The following TRIO variants were observed in gnomAD, a reference collection of about 807,000 sequenced individuals.
The protein encoded by TRIO is triple functional domain protein.
In TRIO, 58 loss-of-function variants were observed where a neutral mutation model predicts 351.9. That is an observed-to-expected ratio of 0.16 (90% CI 0.13 to 0.21). The LOEUF is 0.21. Among genes scored for constraint, TRIO ranks in the 10% least tolerant of loss-of-function variants. TRIO has a pLI of 1.00. For missense variants in TRIO, 3,201 were observed against 4,027.8 expected (o/e 0.79, Z 5.56); for synonymous variants, 1,758 against 1,595.7 (o/e 1.10, Z -2.42).
At position 14,492,690 on chromosome 5, in the gene TRIO, C is replaced by T. The variant is rs1418946312; in HGVS notation, c.7756C>T (p.Gln2586Ter). The T allele has an allele frequency of 6.2e-7, 1 of 1,614,174 alleles. No homozygotes were observed. Among genetic ancestry groups the T allele is most frequent in the Non-Finnish European group, 8.5e-7 (1 of 1,180,012 alleles). Residue 2586 changes from glutamine (Q) to a stop codon, truncating the protein, a stop_gained, in exon 49 of 57, where the codon CAG becomes TAG. Transcript: ENST00000344204. LOFTEE classifies it high-confidence loss of function. Reference protein sequence around the residue: ...EVVQILASNQQNMFLVFRAAT... With the variant: ...EVVQILASNQ ...CGTTCAAATTCTGGCCAGCAACCAG[C>T]AGAACATGTTTCTGGTGTTCCGAGC...
intron 7 of TRIO, among the ~76,000 whole-genome samples, chr5:14,301,986 C>G (rs1294157077): frequency 6.6e-6 from 1 of 152,168 alleles, no homozygotes; most frequent in South Asian, 2.1e-4. Flanking sequence ...AGGGCAGAAT[C>G]CTTTGTCCAC....
intron 42 of TRIO, among the ~76,000 whole-genome samples, 192 bp downstream of exon 42, chr5:14,479,542 C>A (rs1755359350): frequency 6.6e-6 from 1 of 151,866 alleles, no homozygotes; most frequent in Non-Finnish European, 1.5e-5. Flanking sequence ...GTGGTCATAC[C>A]CCTGGCATTC....
intron 9 of TRIO, among the ~76,000 whole-genome samples, chr5:14,328,746 G>A (rs980598998): frequency 6.6e-6 from 1 of 152,158 alleles, no homozygotes; most frequent in South Asian, 2.1e-4. Context: ...GGGCAGGTAA[G>A]GAACCTGAAG....
chr5:14,415,839 G>A (rs1749598539), intron 33 of TRIO, among the ~76,000 whole-genome samples: 1 of 152,016 alleles, frequency 6.6e-6, no homozygotes, highest in Admixed American at 6.6e-5. Flanking sequence ...GTCCAATTAA[G>A]GCTGTTTTGT....
chr5:14,405,910 G>A lies in TRIO; in HGVS notation c.4779G>A (p.Arg1593=), dbSNP rs745583572. Residue 1593 remains arginine (R), a synonymous_variant, in exon 32 of 57, where the codon CGG becomes CGA. Coordinates refer to ENST00000344204, the MANE Select transcript of TRIO (RefSeq NM_007118.4). ...ATATCCGCGAAGTCATCCAGGAGCGGACGATCCACCTGAAGGGAGCCCTGA... is the reference window on the plus strand; with the variant it reads ...ATATCCGCGAAGTCATCCAGGAGCGAACGATCCACCTGAAGGGAGCCCTGA... ...IKHIREVIQE[R]TIHLKGALKE... 15 of 1,613,776 alleles carry A rather than the reference G, an allele frequency of 9.3e-6. No individual in the cohort carries two copies. Among genetic ancestry groups the A allele is most frequent in the African/African-American group, 1.3e-5 (1 of 74,842 alleles).
intron 11 of TRIO, among the ~76,000 whole-genome samples, chr5:14,353,653 C>T (rs1172951197): frequency 6.6e-6 from 1 of 152,068 alleles, no homozygotes; most frequent in Non-Finnish European, 1.5e-5. Flanking sequence ...CAAAGTTACA[C>T]CCTAGGAAGT....
Position 14,487,797 on chromosome 5 carries a change from C to A in TRIO, c.7169C>A (p.Pro2390His). 1 of 1,402,416 alleles carries A rather than the reference C, an allele frequency of 7.1e-7. No homozygotes were observed. The highest frequency in any genetic ancestry group is 9.3e-7 in the Non-Finnish European group (1 of 1,077,670). 86.9% of individuals were successfully genotyped at this position (1,402,416 alleles called of 1,614,324 possible). A position where few individuals can be genotyped will look rare whatever the true frequency, so the allele number is the denominator to read the frequency against. The change falls in exon 48 of 57, where the codon CCC (proline) becomes CAC (histidine). Residue 2390 changes from proline (P) to histidine (H), a missense_variant. Transcript: ENST00000344204. ...GAAPEAGPSA[P>H]SRRPPGADAE... ...GCCCCCGAGGCCGGCCCCAGCGCGC[C>A]CAGCAGGCGGCCCCCCGGCGCGGAC...
chr5:14,368,702 C>A lies in TRIO; in HGVS notation c.2875-6C>A. ...ATAAGCCTTCCCTTTTGTTCTCTGT[C>A]TCTAGAAAACACATCAGAGCGCGCT... On this transcript the variant is annotated splice_region_variant and splice_polypyrimidine_tract_variant and intron_variant, in intron 16 of 56. Coordinates refer to ENST00000344204, the MANE Select transcript of TRIO (RefSeq NM_007118.4). The A allele has an allele frequency of 6.2e-7, 1 of 1,607,700 alleles. No individual in the cohort carries two copies. Among genetic ancestry groups the A allele is most frequent in the Non-Finnish European group, 8.5e-7 (1 of 1,175,048 alleles).
intron 1 of TRIO, among the ~76,000 whole-genome samples, chr5:14,239,225 C>CT (rs1489020678): frequency 6.6e-6 from 1 of 152,116 alleles, no homozygotes; most frequent in Non-Finnish European, 1.5e-5. Flanking sequence ...GATAGGAAGT[C>CT]TAAAAATTAT....
At chr5:14,340,362 A>T (rs965048717) in intron 11 of TRIO, among the ~76,000 whole-genome samples, 14 of 149,144 alleles carry the variant, frequency 9.4e-5, no homozygotes, top group African/African-American at 3.5e-4. Flanking sequence ...GTGCCACTGC[A>T]CTCCAGCCTG....
In TRIO at chr5:14,304,567, A is replaced by G; in HGVS notation, c.1475A>G (p.Glu492Gly). 1 of 1,613,856 alleles carries G rather than the reference A, an allele frequency of 6.2e-7. No homozygotes were observed. Among genetic ancestry groups the G allele is most frequent in the Non-Finnish European group, 8.5e-7 (1 of 1,179,944 alleles). Residue 492 changes from glutamate (E) to glycine (G), a missense_variant, in exon 8 of 57, where the codon GAA becomes GGA. Glu to Gly is a moderately conservative substitution (Grantham distance 98). Coordinates refer to ENST00000344204, the MANE Select transcript of TRIO (RefSeq NM_007118.4). ...ATTCATCACCACCAGGGAATATATG[A>G]ACATATCACTCTTGCTTATTCTGAG... The part of the protein sequence containing the change: ...DAIHHHQGIY[E>G]HITLAYSEVS...
chr5:14,352,745 C>G (rs1453064206), intron 11 of TRIO, among the ~76,000 whole-genome samples: 1 of 152,120 alleles, frequency 6.6e-6, no homozygotes, highest in Non-Finnish European at 1.5e-5. Context: ...TAGTTTGGTC[C>G]TTTTTTAATG....
intron 56 of TRIO, 108 bp from the exon 57 acceptor site, chr5:14,507,772 T>C: frequency 7.3e-7 from 1 of 1,374,952 alleles, no homozygotes; most frequent in Middle Eastern, 2.7e-4. Context: ...TGGCTTGTCC[T>C]AGTTGACATC....
intron 1 of TRIO, among the ~76,000 whole-genome samples, chr5:14,175,365 CCTT>C (rs1377013239): frequency 3.9e-5 from 6 of 152,158 alleles, no homozygotes; most frequent in African/African-American, 1.4e-4. Context: ...TTTTTCCACT[CCTT>C]ACTTAGAACT....
At chr5:14,346,437 A>G (rs1312261687) in intron 11 of TRIO, among the ~76,000 whole-genome samples, 1 of 152,232 alleles carries the variant, frequency 6.6e-6, no homozygotes, top group African/African-American at 2.4e-5. Flanking sequence ...CTGGGTACCA[A>G]AAGAACTTGA....
rs966987162 is a variant in TRIO at position 14,286,556 on chromosome 5, A to G, written c.348-315A>G. The stretch of plus-strand genomic sequence containing the variant: ...CTGGAGGAGTTCATGTAATCAATTA[A>G]TGCACCAAAGTCAGGAGAAATGGGC... On this transcript the variant is annotated intron_variant, in intron 3 of 56. Transcript: ENST00000344204. The surrounding 1 kb of genome is among the most constrained non-coding windows in gnomAD (Gnocchi z 4.4). Among the ~76,000 whole-genome samples the G allele has an allele frequency of 3.3e-5, 5 of 152,166 alleles. No homozygotes were observed. Among genetic ancestry groups the G allele is most frequent in the Non-Finnish European group, 7.4e-5 (5 of 68,016 alleles).
chr5:14,487,903 C>G lies in TRIO; in HGVS notation c.7275C>G (p.Ala2425=), dbSNP rs1756088836. The change falls in exon 48 of 57, where the codon GCC becomes GCG. Residue 2425 remains alanine (A), a synonymous_variant. Transcript: ENST00000344204. ...GCCCCAGGAAAGGCGCCGCGAACGCCTCGGGGTCGAGCCCAGACGCCCCCG... is the reference window on the plus strand; with the variant it reads ...GCCCCAGGAAAGGCGCCGCGAACGCGTCGGGGTCGAGCCCAGACGCCCCCG... ...LESPRKGAAN[A]SGSSPDAPAK... 1.2e-5 allele frequency: 18 copies of G among 1,540,550 alleles called. No homozygotes were observed. The highest frequency in any genetic ancestry group is 1.6e-5 in the Non-Finnish European group (18 of 1,143,600).
intron 1 of TRIO, among the ~76,000 whole-genome samples, chr5:14,207,873 A>G (rs967234398): frequency 1.3e-5 from 2 of 152,234 alleles, no homozygotes; most frequent in Non-Finnish European, 2.9e-5. Context: ...CAAGATTTAA[A>G]TAGACACTCA....
At chr5:14,157,473 G>T (rs983506775) in intron 1 of TRIO, among the ~76,000 whole-genome samples, 1 of 95,598 alleles carries the variant, frequency 1.0e-5, no homozygotes, top group Admixed American at 1.1e-4. Flanking sequence ...CTCTCTCCCT[G>T]TCTCCCTCTC....
Sources: allele counts gnomAD v4.1 joint callset (sites outside exome capture counted in the v4.1 genomes callset), GRCh38; gene constraint gnomAD v4.1.1; non-coding constraint Gnocchi (gnomAD v3.1); transcripts MANE v1.5; gene names NCBI Gene and HGNC (gene_info 2026-07-23, HGNC 2026-07-21).